SPDYA: variants seen among roughly 807,000 people sequenced by gnomAD.
SPDYA encodes the protein speedy/RINGO cell cycle regulator family member A, also known as speedy protein A.
SPDYA carries 11 observed loss-of-function variants against 36.7 expected under a neutral mutation model. The observed-to-expected ratio is 0.30, with a 90% confidence interval of 0.19 to 0.50. SPDYA has a LOEUF of 0.50. Ranked by LOEUF, SPDYA falls within the 20% of genes least tolerant of loss-of-function variation. SPDYA has a pLI of 0.98. For synonymous variants in SPDYA, 115 were observed against 118.7 expected (o/e 0.97, Z 0.20); for missense variants, 287 against 370.9 (o/e 0.77, Z 1.86).
In SPDYA at chr2:28,829,290, G is replaced by T; in HGVS notation, c.523G>T (p.Ala175Ser). The change falls in exon 6 of 8, where the codon GCT (alanine) becomes TCT (serine). Residue 175 changes from alanine (A) to serine (S), a missense_variant. Transcript: ENST00000334056. ...GCTCTGGGATAGAATTGACTATAGG[G>T]CTATTGTAAGCAGGCGATGTTGTGA... Reference protein sequence around the residue: ...DQLWDRIDYRAIVSRRCCEEV... With the variant: ...DQLWDRIDYRSIVSRRCCEEV... 6.2e-7 allele frequency: 1 copy of T among 1,612,174 alleles called. No individual in the cohort carries two copies. The highest frequency in any genetic ancestry group is 8.5e-7 in the Non-Finnish European group (1 of 1,179,606).
chr2:28,815,040 G>C (rs1393545003), intron 2 of SPDYA, among the ~76,000 whole-genome samples: 1 of 152,084 alleles, frequency 6.6e-6, no homozygotes. Flanking sequence ...CCCACACTTT[G>C]GGAAGCTGAG....
At chr2:28,822,234 TCA>T in intron 4 of SPDYA, 89 bp from the exon 5 acceptor site, 1 of 546,854 alleles carries the variant, frequency 1.8e-6, no homozygotes, top group Non-Finnish European at 3.2e-6. Flanking sequence ...TTTAGCTTAT[TCA>T]TCAGAAAATT....
intron 2 of SPDYA, among the ~76,000 whole-genome samples, chr2:28,815,283 AACACACACAC>A (rs55773017): frequency 1.4e-3 from 185 of 136,914 alleles, no homozygotes; most frequent in South Asian, 6.6e-3. Context: ...CCCTGTCTGA[AACACACACAC>A]ACACACACAC....
chr2:28,830,590 A>G (rs1668457750), intron 6 of SPDYA, among the ~76,000 whole-genome samples: 1 of 152,198 alleles, frequency 6.6e-6, no homozygotes, highest in South Asian at 2.1e-4. Context: ...AAACCAAAAT[A>G]TCTTATTTAG....
At chr2:28,845,841 G>A (rs1309728747) in intron 7 of SPDYA, among the ~76,000 whole-genome samples, 2 of 151,948 alleles carry the variant, frequency 1.3e-5, no homozygotes, top group East Asian at 1.9e-4. Flanking sequence ...CACCGCGCCC[G>A]ACCTGTCTGC....
chr2:28,845,859 C>T (rs903268976), intron 7 of SPDYA, among the ~76,000 whole-genome samples: 1 of 152,044 alleles, frequency 6.6e-6, no homozygotes, highest in African/African-American at 2.4e-5. Context: ...TGCTCATTTT[C>T]TACGATTAAT....
At chr2:28,843,107 C>G (rs1668786194) in intron 7 of SPDYA, among the ~76,000 whole-genome samples, 1 of 152,148 alleles carries the variant, frequency 6.6e-6, no homozygotes, top group Non-Finnish European at 1.5e-5. Context: ...CCTCAATTTG[C>G]AGGTAAAGAC....
intron 4 of SPDYA, among the ~76,000 whole-genome samples, chr2:28,821,022 T>C (rs544338748): frequency 6.6e-6 from 1 of 152,266 alleles, no homozygotes; most frequent in Non-Finnish European, 1.5e-5. Context: ...ATTTTGAAGC[T>C]GATCCCAGAC....
chr2:28,849,299 A>AT (rs923633195), intron 7 of SPDYA, among the ~76,000 whole-genome samples: 5 of 149,908 alleles, frequency 3.3e-5, no homozygotes, highest in South Asian at 2.1e-4. Context: ...TTCCCCAAAC[A>AT]TTTTTTTTTT....
intron 6 of SPDYA, among the ~76,000 whole-genome samples, chr2:28,838,086 T>C (rs147828484): frequency 5.8e-4 from 88 of 152,064 alleles, no homozygotes; most frequent in African/African-American, 2.0e-3. Context: ...AATCACAGCA[T>C]TGGGGGACTG....
chr2:28,813,536 T>A (rs1256777824), intron 1 of SPDYA, among the ~76,000 whole-genome samples: 1 of 151,996 alleles, frequency 6.6e-6, no homozygotes, highest in Non-Finnish European at 1.5e-5. Flanking sequence ...GAGTACTCTT[T>A]AGTTTCTTCT....
chr2:28,818,460 AAGAGAAAG>A (rs1459811247), intron 3 of SPDYA, among the ~76,000 whole-genome samples: 1 of 123,394 alleles, frequency 8.1e-6, no homozygotes, highest in East Asian at 2.8e-4. Context: ...AAAAAAAAAA[AAGAGAAAG>A]AGAGAAAGGG....
chr2:28,819,842 AAAAAAAAATATATATATATATATAT>A (rs1244951127), intron 4 of SPDYA, among the ~76,000 whole-genome samples: 8 of 47,384 alleles, frequency 1.7e-4, no homozygotes, highest in Non-Finnish European at 2.6e-4. Flanking sequence ...AAAAAAAAAA[AAAAAAAAATATATATATATATATAT>A]ATATATATAT....
chr2:28,823,727 A>G (rs1558324013), intron 5 of SPDYA, among the ~76,000 whole-genome samples: 2 of 109,718 alleles, frequency 1.8e-5, no homozygotes, highest in African/African-American at 3.1e-5. Flanking sequence ...ATATATATAT[A>G]TATATATATA....
chr2:28,849,991 T>C lies in SPDYA; in HGVS notation c.*50T>C. The stretch of plus-strand genomic sequence containing the variant: ...AATCATTAACTACAAAATGTCAAAC[T>C]AACTGCAAGACAAGTGTCAAAATGG... On this transcript the variant is annotated 3_prime_UTR_variant, in exon 8 of 8. Transcript: ENST00000334056. The C allele has an allele frequency of 7.1e-7, 1 of 1,403,988 alleles. No individual in the cohort carries two copies. Among genetic ancestry groups the C allele is most frequent in the Non-Finnish European group, 9.9e-7 (1 of 1,008,418 alleles). The allele number at this position is 1,403,988 out of a possible 1,614,324, so 87.0% of individuals were successfully genotyped here.
At chr2:28,836,120 A>C (rs933064559) in intron 6 of SPDYA, among the ~76,000 whole-genome samples, 1 of 152,248 alleles carries the variant, frequency 6.6e-6, no homozygotes, top group Non-Finnish European at 1.5e-5. Context: ...TATGACTTTT[A>C]CAGAAATTAT....
At chr2:28,830,489 C>T (rs555651989) in intron 6 of SPDYA, among the ~76,000 whole-genome samples, 1 of 152,194 alleles carries the variant, frequency 6.6e-6, no homozygotes, top group African/African-American at 2.4e-5. Flanking sequence ...AGGCGTGAGC[C>T]ACCGTGCCCG....
intron 6 of SPDYA, among the ~76,000 whole-genome samples, chr2:28,839,663 G>A (rs1188067129): frequency 2.6e-5 from 4 of 151,974 alleles, no homozygotes; most frequent in South Asian, 2.1e-4. Context: ...AACCACGCCC[G>A]GCTAATTTTT....
chr2:28,834,766 C>A (rs770833957), intron 6 of SPDYA, among the ~76,000 whole-genome samples: 2 of 152,154 alleles, frequency 1.3e-5, no homozygotes, highest in Non-Finnish European at 2.9e-5. Flanking sequence ...GATGAAAATG[C>A]TTCAAAATTG....
Sources: gnomAD v4.1 joint callset for allele counts (sites outside exome capture counted in the v4.1 genomes callset) on GRCh38, gnomAD v4.1.1 for gene constraint, MANE v1.5 for transcripts, NCBI Gene and HGNC (gene_info 2026-07-23, HGNC 2026-07-21) for gene names.